The following RBPMS variants were observed in gnomAD, a reference collection of about 807,000 sequenced individuals.
RBPMS encodes the protein RNA-binding protein with multiple splicing.
A neutral mutation model predicts 26.8 loss-of-function variants in RBPMS; 7 were observed. The observed-to-expected ratio is 0.26, with a 90% CI of 0.15 to 0.49. The LOEUF is 0.49. RBPMS is among the 20% of genes least tolerant of loss of function. RBPMS has a pLI of 0.98. For synonymous variants in RBPMS, 96 were observed against 93.3 expected (o/e 1.03, Z -0.17); for missense variants, 186 against 250.0 (o/e 0.74, Z 1.73).
chr8:30,513,040 G>A (rs969986845), intron 5 of RBPMS, among the ~76,000 whole-genome samples: 1 of 151,954 alleles, frequency 6.6e-6, no homozygotes, highest in African/African-American at 2.4e-5. Context: ...TGGTAGTGAG[G>A]GCACACGTCA....
intron 6 of RBPMS, among the ~76,000 whole-genome samples, chr8:30,557,328 C>T (rs764271052): frequency 9.9e-5 from 15 of 152,122 alleles, no homozygotes; most frequent in African/African-American, 3.1e-4. Flanking sequence ...GGGACAAGGT[C>T]GGGGTGCTGT....
At chr8:30,410,558 G>A (rs1809246838) in intron 1 of RBPMS, among the ~76,000 whole-genome samples, 1 of 151,322 alleles carries the variant, frequency 6.6e-6, no homozygotes, top group South Asian at 2.1e-4. Flanking sequence ...ATATATAGGT[G>A]TGTGTGTATG....
intron 1 of RBPMS, among the ~76,000 whole-genome samples, chr8:30,390,227 G>A (rs770006395): frequency 2.6e-5 from 4 of 152,186 alleles, no homozygotes; most frequent in Admixed American, 6.6e-5. Flanking sequence ...TCCTTGAATC[G>A]TGATATTCAC....
chr8:30,501,938 T>G (rs917830158), intron 4 of RBPMS, among the ~76,000 whole-genome samples: 1 of 152,178 alleles, frequency 6.6e-6, no homozygotes, highest in African/African-American at 2.4e-5. Flanking sequence ...CCTGCCCCTC[T>G]TTTTTCTCCT....
chr8:30,454,624 A>T (rs528841163), intron 1 of RBPMS, among the ~76,000 whole-genome samples: 1 of 152,342 alleles, frequency 6.6e-6, no homozygotes, highest in Non-Finnish European at 1.5e-5. Context: ...TTTGTTTCTT[A>T]TAAAGAAATA....
intron 2 of RBPMS, 120 bp from the exon 3 acceptor site, chr8:30,477,679 G>C (rs1177260020): frequency 1.5e-6 from 1 of 680,572 alleles, no homozygotes; most frequent in African/African-American, 1.8e-5. Context: ...TGCTTTCCCA[G>C]ATAACTTAGG....
chr8:30,484,044 G>T (rs778857863), intron 4 of RBPMS, among the ~76,000 whole-genome samples: 1 of 152,170 alleles, frequency 6.6e-6, no homozygotes, highest in Non-Finnish European at 1.5e-5. Flanking sequence ...GAATAAGGCT[G>T]CAGTGAACAC....
intron 5 of RBPMS, among the ~76,000 whole-genome samples, chr8:30,532,777 T>G (rs1824371877): frequency 6.6e-6 from 1 of 152,218 alleles, no homozygotes; most frequent in South Asian, 2.1e-4. Context: ...CGGACACTTT[T>G]CAGATGACAT....
At chr8:30,463,426 A>G (rs1033557482) in intron 1 of RBPMS, among the ~76,000 whole-genome samples, 1 of 152,228 alleles carries the variant, frequency 6.6e-6, no homozygotes, top group African/African-American at 2.4e-5. Context: ...GCTTTTGGCC[A>G]GAGGCCTCTG....
intron 7 of RBPMS, chr8:30,564,543 C>T (rs62508371): frequency 0.23 from 35,186 of 152,270 alleles, 4,381 homozygotes; most frequent in South Asian, 0.38. Flanking sequence ...GACTGTGCCA[C>T]ATCACAAGCA....
At chr8:30,568,206 G>A (rs1828027635) in intron 8 of RBPMS, among the ~76,000 whole-genome samples, 1 of 152,202 alleles carries the variant, frequency 6.6e-6, no homozygotes, top group Non-Finnish European at 1.5e-5. Context: ...CCACATGATG[G>A]CCCATGTTTA....
chr8:30,416,469 C>T (rs1485471592), intron 1 of RBPMS, among the ~76,000 whole-genome samples: 2 of 151,316 alleles, frequency 1.3e-5, no homozygotes, highest in East Asian at 3.9e-4. Context: ...GTAACAGGTG[C>T]CCACCACCAT....
At chr8:30,420,255 A>C (rs1208508929) in intron 1 of RBPMS, among the ~76,000 whole-genome samples, 1 of 152,108 alleles carries the variant, frequency 6.6e-6, no homozygotes, top group African/African-American at 2.4e-5. Flanking sequence ...GAAAATACCA[A>C]GTAAATGGAG....
At chr8:30,391,343 G>A (rs1807769386) in intron 1 of RBPMS, among the ~76,000 whole-genome samples, 2 of 152,214 alleles carry the variant, frequency 1.3e-5, no homozygotes, top group Non-Finnish European at 2.9e-5. Context: ...AAACAAGCCT[G>A]CTCTGTGTGA....
intron 5 of RBPMS, among the ~76,000 whole-genome samples, chr8:30,526,055 C>G (rs1008963542): frequency 4.6e-5 from 7 of 152,224 alleles, no homozygotes; most frequent in Admixed American, 6.5e-5. Context: ...GGGGGATCCC[C>G]ATAGTGAAAT....
intron 1 of RBPMS, among the ~76,000 whole-genome samples, chr8:30,466,770 T>A (rs1331946740): frequency 6.6e-6 from 1 of 152,040 alleles, no homozygotes; most frequent in Admixed American, 6.5e-5. Context: ...ATTTTTGTAT[T>A]TTTAGTAGAG....
At chr8:30,486,456 T>C (rs1818794098) in intron 4 of RBPMS, among the ~76,000 whole-genome samples, 1 of 147,434 alleles carries the variant, frequency 6.8e-6, no homozygotes, top group African/African-American at 2.6e-5. Context: ...ACCCCGTCTC[T>C]ACTAAAAGTA....
intron 2 of RBPMS, among the ~76,000 whole-genome samples, chr8:30,475,165 C>A (rs1387536359): frequency 2.6e-5 from 4 of 152,100 alleles, no homozygotes; most frequent in African/African-American, 9.7e-5. Flanking sequence ...AGTTAAGAAC[C>A]TAACCACCGT....
rs181748245 is a variant in RBPMS at position 30,521,922 on chromosome 8, A to G, written c.397+17486A>G. Reference sequence around the variant, plus strand: ...AGAAGATAGAATGGGGGGATTGGAGAAATGTCGGTCAAAAGAAACAAATTT... The same window carrying G: ...AGAAGATAGAATGGGGGGATTGGAGGAATGTCGGTCAAAAGAAACAAATTT... On this transcript the variant is annotated intron_variant, in intron 5 of 8. Transcript: ENST00000397323. Among the ~76,000 whole-genome samples the G allele has an allele frequency of 6.6e-5, 10 of 152,308 alleles. No individual in the cohort carries two copies. In the East Asian group the frequency reaches 1.9e-3, roughly 29 times the overall value.
Sources: allele counts gnomAD v4.1 joint callset (sites outside exome capture counted in the v4.1 genomes callset), GRCh38; gene constraint gnomAD v4.1.1; transcripts MANE v1.5; gene names NCBI Gene and HGNC (gene_info 2026-07-23, HGNC 2026-07-21).